STRIP1: variants seen among roughly 807,000 people sequenced by gnomAD.
The protein encoded by STRIP1 is striatin-interacting protein 1.
Under a neutral mutation model 106.2 loss-of-function variants are expected in STRIP1, and 63 were observed. That is an observed-to-expected ratio of 0.59 (90% CI 0.48 to 0.73). STRIP1 has a LOEUF of 0.73. Ranked by LOEUF, STRIP1 falls within the 30% of genes least tolerant of loss-of-function variation. STRIP1 has a pLI of 0.00. For synonymous variants in STRIP1, 390 were observed against 413.0 expected, an observed-to-expected ratio of 0.94 and a Z score of 0.67; for missense variants, 857 against 1,074.8, an observed-to-expected ratio of 0.80 and a Z score of 2.83.
At chr1:110,051,110 G>T in intron 19 of STRIP1, 50 bp downstream of exon 19, 1 of 1,250,244 alleles carries the variant, frequency 8.0e-7, no homozygotes, top group East Asian at 2.3e-5. Context: ...GCTCAAAGAA[G>T]AGTGCTGGGA....
In STRIP1 at chr1:110,039,318, A is replaced by T; in HGVS notation, c.460+12A>T. 6.2e-7 allele frequency: 1 copy of T among 1,613,726 alleles called. No individual in the cohort carries two copies. Among genetic ancestry groups the T allele is most frequent in the South Asian group, 1.1e-5 (1 of 91,042 alleles). On this transcript the variant is annotated intron_variant, in intron 4 of 20. Coordinates refer to ENST00000369795, the MANE Select transcript of STRIP1 (RefSeq NM_033088.4). ...CTATGTTGCTCAAGGTATTGAGTGG[A>T]CCTCCCCAGGGTTCCCTGGCACCTC...
chr1:110,034,139 C>T (rs141388759), upstream of STRIP1, among the ~76,000 whole-genome samples: 537 of 152,298 alleles, frequency 3.5e-3, 1 homozygote, highest in Admixed American at 6.0e-3. Context: ...TCTGACCCAC[C>T]AAGCACTGTT....
chr1:110,034,628 A>G lies in STRIP1; in HGVS notation c.-10A>G. 6.6e-7 allele frequency: 1 copy of G among 1,517,116 alleles called. No individual in the cohort carries two copies. The highest frequency in any genetic ancestry group is 1.4e-5 in the African/African-American group (1 of 69,190). The allele number at this position is 1,517,116 out of a possible 1,614,324, so 94.0% of individuals were successfully genotyped here. On this transcript the variant is annotated 5_prime_UTR_variant, in exon 1 of 21. Coordinates refer to ENST00000369795, the MANE Select transcript of STRIP1 (RefSeq NM_033088.4). ...TGCGCGAGTTAAGCTGGGGGTGTGG[A>G]GCAGCCAAGATGGAGCCGGCAGTCG...
Position 110,047,528 on chromosome 1 carries a change from CATT to C in STRIP1, c.1489-11_1489-9del. The C allele has an allele frequency of 3.7e-6, 6 of 1,605,712 alleles. No homozygotes were observed. The highest frequency in any genetic ancestry group is 1.3e-5 in the African/African-American group (1 of 74,958). On this transcript the variant is annotated splice_polypyrimidine_tract_variant and intron_variant, in intron 13 of 20. Coordinates refer to ENST00000369795, the MANE Select transcript of STRIP1 (RefSeq NM_033088.4). ...TGGGCTGGGGTTTTATGCTTGTACT[CATT>C]ATGTTAAAAGGGAGAAGAAGAAGTT...
chr1:110,044,548 C>G (rs1356408138), intron 10 of STRIP1, among the ~76,000 whole-genome samples: 1 of 152,222 alleles, frequency 6.6e-6, no homozygotes, highest in Admixed American at 6.5e-5. Context: ...TGTTGACAAA[C>G]TTGTTCATAC....
chr1:110,043,117 G>A lies in STRIP1; in HGVS notation c.915G>A (p.Gln305=), dbSNP rs962131186. 1.3e-5 allele frequency: 21 copies of A among 1,613,720 alleles called. No individual in the cohort carries two copies. In the East Asian group the frequency reaches 4.5e-4, roughly 34 times the overall value. The change falls in exon 9 of 21, where the codon CAG becomes CAA. Residue 305 remains glutamine, a synonymous_variant. Transcript: ENST00000369795. Reference sequence around the variant, plus strand: ...CGCTAGGCGGCTTTGAGGAGCTGCAGAGCATGAAGGCTGAGAAGCGCAGCA... The same window carrying A: ...CGCTAGGCGGCTTTGAGGAGCTGCAAAGCATGAAGGCTGAGAAGCGCAGCA... ...LCTLGGFEEL[Q]SMKAEKRSIL... is the part of the protein sequence containing the mutation.
chr1:110,044,941 TC>T, intron 11 of STRIP1, 36 bp downstream of exon 11: 2 of 1,613,846 alleles, frequency 1.2e-6, no homozygotes, highest in Non-Finnish European at 1.7e-6. Flanking sequence ...CTGTTAGCTC[TC>T]CCGGCCTTTG....
chr1:110,051,922 G>A (rs773145160), intron 20 of STRIP1, 35 bp downstream of exon 20: 3 of 1,605,422 alleles, frequency 1.9e-6, no homozygotes, highest in East Asian at 4.5e-5. Context: ...TTGGGTGGGA[G>A]TGTGTCGGGA....
chr1:110,034,227 T>C (rs920598682), upstream of STRIP1, among the ~76,000 whole-genome samples: 2 of 152,182 alleles, frequency 1.3e-5, no homozygotes, highest in Non-Finnish European at 2.9e-5. Context: ...TAAATGTTTG[T>C]TGAATGAATG....
chr1:110,039,278 G>A lies in STRIP1; in HGVS notation c.432G>A (p.Val144=). The stretch of plus-strand genomic sequence containing the variant: ...CTGCCAGGGAGAAGAGACTCAAGGT[G>A]GCTCGAGCAATTCTCTATGTTGCTC... ...EVTAREKRLK[V]ARAILYVAQG... Residue 144 remains valine, a synonymous_variant, in exon 4 of 21, where the codon GTG becomes GTA. Transcript: ENST00000369795. 6.2e-7 allele frequency: 1 copy of A among 1,614,194 alleles called. No individual in the cohort carries two copies. The highest frequency in any genetic ancestry group is 8.5e-7 in the Non-Finnish European group (1 of 1,180,032).
rs775162490 is a variant in STRIP1, at chr1:110,041,615, A to G, written c.730A>G (p.Met244Val). The change falls in exon 7 of 21, where the codon ATG becomes GTG. Residue 244 changes from methionine to valine, a missense_variant. Met to Val is a conservative substitution (Grantham distance 21). Coordinates refer to ENST00000369795, the MANE Select transcript of STRIP1 (RefSeq NM_033088.4). ...CEGDKAEWRT[M>V]RQTFRAELGS... ...GGGTGACAAGGCTGAGTGGAGGACC[A>G]TGCGGCAGACCTTCAGAGCCGAGCT... The G allele has an allele frequency of 1.2e-6, 2 of 1,614,138 alleles. No individual in the cohort carries two copies. The highest frequency in any genetic ancestry group is 1.7e-6 in the Non-Finnish European group (2 of 1,180,028).
At chr1:110,034,612 T>G (rs1652340256), upstream of STRIP1, 3 of 1,486,142 alleles carry the variant, frequency 2.0e-6, no homozygotes, top group Non-Finnish European at 1.8e-6. Context: ...GTGCGCGAGT[T>G]AAGCTGGGGG....
chr1:110,035,477 G>A (rs1028268671), intron 1 of STRIP1, among the ~76,000 whole-genome samples: 13 of 152,284 alleles, frequency 8.5e-5, no homozygotes, highest in African/African-American at 3.1e-4. Context: ...GACATTTTAA[G>A]CATGCGTTAG....
chr1:110,043,118 A>G lies in STRIP1; in HGVS notation c.916A>G (p.Ser306Gly), dbSNP rs1159449463. 6.2e-7 allele frequency: 1 copy of G among 1,613,750 alleles called. No individual in the cohort carries two copies. Among genetic ancestry groups the G allele is most frequent in the Non-Finnish European group, 8.5e-7 (1 of 1,179,914 alleles). ...CTLGGFEELQ[S>G]MKAEKRSILG... is the part of the protein sequence containing the mutation. ...GCTAGGCGGCTTTGAGGAGCTGCAG[A>G]GCATGAAGGCTGAGAAGCGCAGCAT... The change falls in exon 9 of 21, where the codon AGC (serine) becomes GGC (glycine). Residue 306 changes from serine (S) to glycine (G), a missense_variant. Physicochemically the swap from Ser to Gly is moderately conservative, Grantham distance 56. Around this residue, in one of 2 missense-constraint regions of STRIP1, gnomAD observed 750 missense variants for 989.8 expected, o/e 0.76. Transcript: ENST00000369795.
rs112354338 is a variant in STRIP1 at position 110,035,651 on chromosome 1, G to A, written c.180+834G>A. On this transcript the variant is annotated intron_variant, in intron 1 of 20. Coordinates refer to ENST00000369795, the MANE Select transcript of STRIP1 (RefSeq NM_033088.4). ...GATACTCATGTCGCGGAGTTTTAGG[G>A]CTTCTTAATGAGCAGGTTCCCAGAG... 2.3e-3 allele frequency among the ~76,000 whole-genome samples: 344 copies of A among 152,176 alleles called. 3 individuals carry two copies. The highest frequency in any genetic ancestry group is 4.0e-3 in the Non-Finnish European group (274 of 68,002).
chr1:110,036,943 C>A (rs927796921), intron 1 of STRIP1, among the ~76,000 whole-genome samples: 1 of 152,120 alleles, frequency 6.6e-6, no homozygotes, highest in Non-Finnish European at 1.5e-5. Context: ...CCTGCCTTAG[C>A]CTCCCGAGTA....
intron 1 of STRIP1, among the ~76,000 whole-genome samples, chr1:110,037,142 G>A (rs946626850): frequency 6.6e-6 from 1 of 152,122 alleles, no homozygotes; most frequent in African/African-American, 2.4e-5. Flanking sequence ...GCCATTGTGG[G>A]TATGTTGTGT....
At chr1:110,047,995 C>A in intron 15 of STRIP1, 126 bp downstream of exon 15, 1 of 784,200 alleles carries the variant, frequency 1.3e-6, no homozygotes, top group Non-Finnish European at 2.0e-6. Context: ...TATTTTTGAC[C>A]CAAAAAAAGG....
intron 5 of STRIP1, 181 bp downstream of exon 5, chr1:110,039,696 G>A: frequency 1.0e-6 from 1 of 987,410 alleles, no homozygotes; most frequent in Non-Finnish European, 1.5e-6. Context: ...GATTAATGGA[G>A]ACTAATGACA....
Sources: allele counts gnomAD v4.1 joint callset (sites outside exome capture counted in the v4.1 genomes callset), GRCh38; gene constraint gnomAD v4.1.1; regional missense constraint gnomAD v4.1.1; transcripts MANE v1.5; gene names NCBI Gene and HGNC (gene_info 2026-07-23, HGNC 2026-07-21).